Variants in DMD observed in about 807,000 individuals in gnomAD.
DMD encodes the protein dystrophin, also known as mutant dystrophin.
Under a neutral mutation model 330.1 loss-of-function variants are expected in DMD, and 63 were observed. The observed-to-expected ratio is 0.19, with a 90% confidence interval of 0.16 to 0.24. The LOEUF (loss-of-function observed/expected upper bound fraction) is 0.24. Ranked by LOEUF, DMD falls within the 10% of genes least tolerant of loss-of-function variation. DMD has a pLI of 1.00. For missense variants in DMD, 3,344 were observed against 2,684.1 expected, an observed-to-expected ratio of 1.25 and a Z score of -5.43; for synonymous variants, 1,223 against 959.8, an observed-to-expected ratio of 1.27 and a Z score of -5.07.
intron 60 of DMD, among the ~76,000 whole-genome samples, chrX:31,379,803 C>T (rs989871816): frequency 8.9e-6 from 1 of 112,117 alleles, no homozygotes; most frequent in African/African-American, 3.3e-5. Context: ...GGCCACTGGG[C>T]CAAGGAATGC....
At chrX:32,760,845 G>A (rs994119067) in intron 7 of DMD, among the ~76,000 whole-genome samples, 8 of 111,337 alleles carry the variant, frequency 7.2e-5, no homozygotes, top group Non-Finnish European at 1.3e-4. Flanking sequence ...ATGCACACTC[G>A]ATAGCTTTTT....
intron 15 of DMD, among the ~76,000 whole-genome samples, chrX:32,572,515 A>C (rs1381341897): frequency 9.2e-6 from 1 of 109,012 alleles, no homozygotes. Flanking sequence ...TTTTACTAGA[A>C]ATGATAAAAT....
At chrX:32,045,165 G>A (rs2096054227) in intron 44 of DMD, among the ~76,000 whole-genome samples, 1 of 110,155 alleles carries the variant, frequency 9.1e-6, no homozygotes, top group African/African-American at 3.3e-5. Flanking sequence ...GCAAATGCCT[G>A]TGCCACACTT....
intron 44 of DMD, among the ~76,000 whole-genome samples, chrX:31,998,833 A>G (rs2095606771): frequency 8.9e-6 from 1 of 112,369 alleles, no homozygotes; most frequent in Non-Finnish European, 1.9e-5. Context: ...ATAATCTGTG[A>G]AATCTTTTTA....
chrX:32,883,823 C>CAAAAAAAAAAAA (rs56150142), intron 2 of DMD, among the ~76,000 whole-genome samples: 9 of 30,341 alleles, frequency 3.0e-4, no homozygotes, highest in Admixed American at 1.1e-3. Flanking sequence ...GACTCTGTTT[C>CAAAAAAAAAAAA]AAAAAAAAAA....
intron 44 of DMD, among the ~76,000 whole-genome samples, chrX:32,213,073 CTATT>C (rs1352489195): frequency 2.7e-5 from 3 of 112,007 alleles, no homozygotes; most frequent in Non-Finnish European, 3.8e-5. Flanking sequence ...CAACATATAT[CTATT>C]TGTTTATTTC....
chrX:33,313,989 A>G (rs1007025001), intron 1 of DMD, among the ~76,000 whole-genome samples: 5 of 108,014 alleles, frequency 4.6e-5, no homozygotes, highest in Middle Eastern at 4.8e-3. Context: ...TGTCATATAT[A>G]TGTGTGTGTG....
In DMD at chrX:31,580,592, A is replaced by G. The variant is rs1480399628; in HGVS notation, c.8217+47081T>C. 1.4e-4 allele frequency among the ~76,000 whole-genome samples: 16 copies of G among 112,226 alleles called. No individual in the cohort carries two copies. In the Admixed American group the frequency reaches 1.5e-3, roughly 11 times the overall value. On this transcript the variant is annotated intron_variant, in intron 55 of 78. Transcript: ENST00000357033. ...TGAGGCGGTTTGGTAATGGACTGAT[A>G]TACTATTATATATAACTGATACAGA...
chrX:31,439,065 G>C (rs184061862), intron 60 of DMD, among the ~76,000 whole-genome samples: 1 of 111,445 alleles, frequency 9.0e-6, no homozygotes, highest in Admixed American at 9.6e-5. Context: ...TGACTATATA[G>C]ACCAAGTTTC....
At chrX:32,653,287 T>G (rs1007656777) in intron 9 of DMD, among the ~76,000 whole-genome samples, 3 of 112,220 alleles carry the variant, frequency 2.7e-5, no homozygotes, top group African/African-American at 9.7e-5. Context: ...TTTTATGGTT[T>G]TAGGTCTAAC....
rs373347630 is a variant in DMD at position 32,121,567 on chromosome X, T to C, written c.6438+95349A>G. On this transcript the variant is annotated intron_variant, in intron 44 of 78. Coordinates refer to ENST00000357033, the MANE Select transcript of DMD (RefSeq NM_004006.3). ...TAAAAGACTCGATTAAGTGGCTAAA[T>C]AACGTTTCCTCCGAAAGCTTTCTTT... Among the ~76,000 whole-genome samples the C allele has an allele frequency of 9.2e-5, 9 of 98,051 alleles. No homozygotes were observed. The East Asian group carries it at 2.0e-3, about 22-fold the overall frequency. The allele number at this position is 98,051 out of a possible 115,157, so 85.1% of individuals were successfully genotyped here. A position where few individuals can be genotyped will look rare whatever the true frequency, so the allele number is the denominator to read the frequency against.
chrX:32,096,486 G>A (rs1043874970), intron 44 of DMD, among the ~76,000 whole-genome samples: 14 of 110,800 alleles, frequency 1.3e-4, no homozygotes, highest in African/African-American at 4.6e-4. Context: ...GGGAGGCCAT[G>A]CTTAGGAGAC....
At chrX:32,198,675 T>A (rs1261603417) in intron 44 of DMD, among the ~76,000 whole-genome samples, 1 of 111,804 alleles carries the variant, frequency 8.9e-6, no homozygotes, top group African/African-American at 3.3e-5. Flanking sequence ...AGCTCTCCAA[T>A]TACTGTATTA....
chrX:33,336,500 C>T (rs1311514317), intron 1 of DMD, among the ~76,000 whole-genome samples: 1 of 95,906 alleles, frequency 1.0e-5, no homozygotes, highest in Admixed American at 1.1e-4. Context: ...AGTCTTATCA[C>T]AAAAAGAGAA....
chrX:32,167,139 C>T (rs1479715703), intron 44 of DMD, among the ~76,000 whole-genome samples: 8 of 111,816 alleles, frequency 7.2e-5, no homozygotes, highest in African/African-American at 2.6e-4. Flanking sequence ...AATCACCAAA[C>T]CTGTACCTAA....
chrX:32,776,744 A>G (rs914215903), intron 7 of DMD, among the ~76,000 whole-genome samples: 4 of 111,859 alleles, frequency 3.6e-5, no homozygotes, highest in African/African-American at 1.3e-4. Flanking sequence ...GCCAAATTAT[A>G]TCAACTTATT....
chrX:32,409,665 G>T (rs1054628465), intron 30 of DMD, among the ~76,000 whole-genome samples: 4 of 111,689 alleles, frequency 3.6e-5, no homozygotes, highest in African/African-American at 6.5e-5. Flanking sequence ...AATTCTTTAT[G>T]CATTTTGAAG....
intron 44 of DMD, among the ~76,000 whole-genome samples, chrX:32,019,320 A>C (rs2095790658): frequency 9.0e-6 from 1 of 111,249 alleles, no homozygotes; most frequent in Non-Finnish European, 1.9e-5. Flanking sequence ...CAAACATGAA[A>C]ATTTAATTAT....
chrX:31,121,531 T>TA lies in DMD; in HGVS notation c.*387dup. ...CACACTTTAGTTTACAATCTTTCTT[T>TA]ATAACTGTTATAAATTTTTAAACAA... On this transcript the variant is annotated 3_prime_UTR_variant, in exon 79 of 79. Coordinates refer to ENST00000357033, the MANE Select transcript of DMD (RefSeq NM_004006.3). 4.5e-6 allele frequency: 1 copy of TA among 221,487 alleles called. No homozygotes were observed. The highest frequency in any genetic ancestry group is 8.1e-6 in the Non-Finnish European group (1 of 122,933). The allele number at this position is 221,487 out of a possible 1,213,427, so 18.3% of individuals were successfully genotyped here. A position where few individuals can be genotyped will look rare whatever the true frequency, so the allele number is the denominator to read the frequency against.
Sources: allele counts gnomAD v4.1 joint callset (sites outside exome capture counted in the v4.1 genomes callset), GRCh38; gene constraint gnomAD v4.1.1; transcripts MANE v1.5; gene names NCBI Gene and HGNC (gene_info 2026-07-23, HGNC 2026-07-21).